HEXB: variants seen among roughly 807,000 people sequenced by gnomAD.
The protein encoded by HEXB is hexosaminidase subunit beta.
Under a neutral mutation model 71.2 loss-of-function variants are expected in HEXB, and 51 were observed. The ratio of observed to expected loss-of-function variants is 0.72; its 90% CI spans 0.57 to 0.90. HEXB has a LOEUF of 0.90. Among genes scored for constraint, HEXB ranks in the 40% least tolerant of loss-of-function variants. The pLI, the probability that HEXB is intolerant of heterozygous loss-of-function variation, is 0.00. For synonymous variants in HEXB, 266 were observed against 249.3 expected (o/e 1.07, Z -0.63); for missense variants, 617 against 677.0 (o/e 0.91, Z 0.98).
At chr5:74,701,639 G>C (rs1580386417) in intron 5 of HEXB, among the ~76,000 whole-genome samples, 2 of 151,762 alleles carry the variant, frequency 1.3e-5, no homozygotes, top group East Asian at 3.9e-4. Flanking sequence ...TTTGTATTTT[G>C]AAGTCTTAAA....
At position 74,703,077 on chromosome 5, in the gene HEXB, T is replaced by G. The variant is rs375431730; in HGVS notation, c.670-2142T>G. Among the ~76,000 whole-genome samples, 548 of 152,230 alleles carry G rather than the reference T, an allele frequency of 3.6e-3. 6 individuals are homozygous for G. The highest frequency in any genetic ancestry group is 0.013 in the African/African-American group (526 of 41,534). On this transcript the variant is annotated intron_variant, in intron 5 of 13. Transcript: ENST00000261416. The stretch of plus-strand genomic sequence containing the variant: ...AAGCGATTCTCCTGCCTCAGCCTCC[T>G]GAGTAGCTGGAGTTACAGGCATCCG...
At chr5:74,661,690 T>C (rs1346158461) in intron 1 of HEXB, among the ~76,000 whole-genome samples, 1 of 152,110 alleles carries the variant, frequency 6.6e-6, no homozygotes, top group Non-Finnish European at 1.5e-5. Flanking sequence ...AGCCAGAACA[T>C]CTGGCCTGCA....
At chr5:74,686,070 C>T (rs892801779) in intron 1 of HEXB, among the ~76,000 whole-genome samples, 3 of 152,212 alleles carry the variant, frequency 2.0e-5, no homozygotes, top group Admixed American at 6.5e-5. Flanking sequence ...CTAAAACTGC[C>T]CTCTCTCCTA....
intron 11 of HEXB, chr5:74,720,221 A>G (rs558241906): frequency 9.1e-5 from 54 of 593,760 alleles, no homozygotes; most frequent in Non-Finnish European, 1.6e-4. Context: ...GGCTGGGGAT[A>G]AAGTTTGCAA....
intron 5 of HEXB, among the ~76,000 whole-genome samples, chr5:74,704,362 C>T (rs1377048835): frequency 6.6e-6 from 1 of 151,936 alleles, no homozygotes; most frequent in Admixed American, 6.6e-5. Flanking sequence ...CAAATCTTCT[C>T]CCTTATTGTT....
At chr5:74,678,739 A>G (rs11738782) in intron 1 of HEXB, among the ~76,000 whole-genome samples, 22,755 of 152,102 alleles carry the variant, frequency 0.15, 1,893 homozygotes, top group East Asian at 0.27. Context: ...GCTACCGTAA[A>G]ACAACATACC....
At chr5:74,690,318 T>C (rs996871149) in intron 2 of HEXB, among the ~76,000 whole-genome samples, 1 of 152,002 alleles carries the variant, frequency 6.6e-6, no homozygotes, top group African/African-American at 2.4e-5. Context: ...ATGTGTAATA[T>C]AAGATTCGTG....
chr5:74,684,668 T>C (rs1399828556), upstream of HEXB, among the ~76,000 whole-genome samples: 2 of 143,614 alleles, frequency 1.4e-5, no homozygotes, highest in African/African-American at 5.3e-5. Context: ...GTTTTCTTTT[T>C]CTTTTCTTTT....
At chr5:74,699,866 G>A (rs1749218440) in intron 5 of HEXB, among the ~76,000 whole-genome samples, 2 of 151,852 alleles carry the variant, frequency 1.3e-5, no homozygotes, top group Non-Finnish European at 2.9e-5. Context: ...GTACATCTTT[G>A]CCATGTTTGT....
In HEXB at chr5:74,676,618, T is replaced by C. The variant is rs113817498; in HGVS notation, c.-376-12710T>C. Among the ~76,000 whole-genome samples, 1,426 of 152,132 alleles carry C rather than the reference T, an allele frequency of 9.4e-3. 5 individuals are homozygous for C. The highest frequency in any genetic ancestry group is 0.016 in the Non-Finnish European group (1,100 of 68,010). On this transcript the variant is annotated intron_variant, in intron 1 of 13. Coordinates refer to the HEXB transcript ENST00000511181. ...CTGACTGTAGTAAAAATACAAAAAT[T>C]AGCTGGGCGTGGTGGCACATGCCTG...
intron 1 of HEXB, among the ~76,000 whole-genome samples, chr5:74,651,779 A>G (rs1748115980): frequency 6.6e-6 from 1 of 152,178 alleles, no homozygotes. Flanking sequence ...AAATCACCCA[A>G]ACAGCAAGTC....
upstream of HEXB, among the ~76,000 whole-genome samples, chr5:74,680,517 G>C (rs1262223902): frequency 6.6e-6 from 1 of 152,118 alleles, no homozygotes; most frequent in Non-Finnish European, 1.5e-5. Context: ...CTAACATTCT[G>C]GATTTCAAGC....
At position 74,649,770 on chromosome 5, in the gene HEXB, C is replaced by T. The variant is rs78208261; in HGVS notation, c.-377+9212C>T. On this transcript the variant is annotated intron_variant, in intron 1 of 13. Transcript: ENST00000511181. ...TCTTTTACCATAGTTGATTGAATGTCTTACCAGATCATTCTTTCATTCTGG... is the reference window on the plus strand; with the variant it reads ...TCTTTTACCATAGTTGATTGAATGTTTTACCAGATCATTCTTTCATTCTGG... Among the ~76,000 whole-genome samples the T allele has an allele frequency of 3.8e-3, 576 of 152,292 alleles. 2 individuals carry two copies. The highest frequency in any genetic ancestry group is 0.013 in the African/African-American group (534 of 41,564).
Position 74,693,194 on chromosome 5 carries a change from G to A in HEXB, c.446-445G>A, listed in dbSNP as rs193212676. Among the ~76,000 whole-genome samples the A allele has an allele frequency of 6.6e-5, 10 of 152,302 alleles. No homozygotes were observed. In the East Asian group the frequency reaches 1.2e-3, roughly 18 times the overall value. ...AGTAGATTTGAGCGACACCTAGGGC[G>A]TTACCAAGGATTAGTAGGAACTGAG... On this transcript the variant is annotated intron_variant, in intron 2 of 13. Transcript: ENST00000261416.
Position 74,693,631 on chromosome 5 carries a change from C to T in HEXB, c.446-8C>T. The T allele has an allele frequency of 6.2e-7, 1 of 1,600,396 alleles. No individual in the cohort carries two copies. Among genetic ancestry groups the T allele is most frequent in the Non-Finnish European group, 8.6e-7 (1 of 1,167,418 alleles). ...AAGTGTGTGTGTGATTTTAAATCCTCAATACAGATACTTTACTTGTGAAAG... is the reference window on the plus strand; with the variant it reads ...AAGTGTGTGTGTGATTTTAAATCCTTAATACAGATACTTTACTTGTGAAAG... On this transcript the variant is annotated splice_region_variant and splice_polypyrimidine_tract_variant and intron_variant, in intron 2 of 13. Coordinates refer to ENST00000261416, the MANE Select transcript of HEXB (RefSeq NM_000521.4).
chr5:74,650,910 C>T (rs1174450145), intron 1 of HEXB, among the ~76,000 whole-genome samples: 4 of 112,502 alleles, frequency 3.6e-5, no homozygotes, highest in South Asian at 2.8e-4. Flanking sequence ...TGGGCAACAG[C>T]GTGAGACTCT....
intron 5 of HEXB, among the ~76,000 whole-genome samples, chr5:74,702,065 G>GTT (rs1749274050): frequency 2.4e-5 from 2 of 85,086 alleles, no homozygotes; most frequent in Non-Finnish European, 4.6e-5. Flanking sequence ...ATCTTTCCTT[G>GTT]TCTTTTTTTT....
At chr5:74,682,159 C>T (rs1256771320), upstream of HEXB, among the ~76,000 whole-genome samples, 1 of 152,214 alleles carries the variant, frequency 6.6e-6, no homozygotes, top group Admixed American at 6.5e-5. Context: ...GAGATCGAGA[C>T]CATCCTGGCT....
chr5:74,669,577 T>C (rs1376880946), intron 1 of HEXB, among the ~76,000 whole-genome samples: 2 of 152,186 alleles, frequency 1.3e-5, no homozygotes, highest in Non-Finnish European at 2.9e-5. Flanking sequence ...AAATTAAATT[T>C]TTACACTGAA....
Sources: gnomAD v4.1 joint callset for allele counts (sites outside exome capture counted in the v4.1 genomes callset) on GRCh38, gnomAD v4.1.1 for gene constraint, MANE v1.5 for transcripts, NCBI Gene and HGNC (gene_info 2026-07-23, HGNC 2026-07-21) for gene names.